Variants in NRG3 observed in about 807,000 individuals in gnomAD.
The protein encoded by NRG3 is neuregulin 3, also known as pro-neuregulin-3, membrane-bound isoform.
Under a neutral mutation model 66.9 loss-of-function variants are expected in NRG3, and 31 were observed. That is an observed-to-expected ratio of 0.46 (90% CI 0.35 to 0.63). The LOEUF (loss-of-function observed/expected upper bound fraction) is 0.63. Among genes scored for constraint, NRG3 ranks in the 20% least tolerant of loss-of-function variants. The pLI is 0.00. For missense variants in NRG3, 910 were observed against 878.9 expected, an observed-to-expected ratio of 1.04 and a Z score of -0.45; for synonymous variants, 393 against 359.4, an observed-to-expected ratio of 1.09 and a Z score of -1.06.
chr10:82,965,380 A>T (rs1483866780), intron 6 of NRG3, among the ~76,000 whole-genome samples: 4 of 152,190 alleles, frequency 2.6e-5, no homozygotes, highest in Non-Finnish European at 5.9e-5. Flanking sequence ...CTTAAGAATA[A>T]GTTTGTCCAG....
intron 2 of NRG3, among the ~76,000 whole-genome samples, chr10:82,657,482 GA>G (rs1051763365): frequency 2.8e-4 from 43 of 152,036 alleles, no homozygotes; most frequent in Non-Finnish European, 1.3e-4. Flanking sequence ...ATCTTGAAGG[GA>G]TAAGTTTATT....
At chr10:82,107,129 C>G (rs2067115652) in intron 1 of NRG3, among the ~76,000 whole-genome samples, 1 of 152,170 alleles carries the variant, frequency 6.6e-6, no homozygotes, top group Non-Finnish European at 1.5e-5. Flanking sequence ...GATTCTTTTT[C>G]TCAGATTTTG....
At chr10:82,576,489 T>C (rs920258385) in intron 2 of NRG3, among the ~76,000 whole-genome samples, 2 of 151,744 alleles carry the variant, frequency 1.3e-5, no homozygotes, top group African/African-American at 4.8e-5. Flanking sequence ...GTTTAGTTTC[T>C]GCCCAGTGAA....
chr10:81,955,052 A>ATT (rs1849693636), intron 1 of NRG3, among the ~76,000 whole-genome samples: 1 of 150,988 alleles, frequency 6.6e-6, no homozygotes, highest in South Asian at 2.1e-4. Flanking sequence ...GTTCTGTTAC[A>ATT]TTATATATAT....
chr10:82,524,366 A>G (rs1464657638), intron 2 of NRG3, among the ~76,000 whole-genome samples: 1 of 152,038 alleles, frequency 6.6e-6, no homozygotes, highest in Non-Finnish European at 1.5e-5. Context: ...GATACATAGT[A>G]GGTGCTGAAT....
At chr10:82,347,685 T>G (rs543647159) in intron 1 of NRG3, among the ~76,000 whole-genome samples, 1 of 152,198 alleles carries the variant, frequency 6.6e-6, no homozygotes, top group Non-Finnish European at 1.5e-5. Flanking sequence ...TCTCCCATTA[T>G]TATTGTGTGG....
chr10:81,987,669 A>T (rs2060578118), intron 1 of NRG3, among the ~76,000 whole-genome samples: 1 of 152,194 alleles, frequency 6.6e-6, no homozygotes, highest in African/African-American at 2.4e-5. Context: ...CACTGGTAAA[A>T]TGATATATGA....
At chr10:82,967,371 C>T (rs1851308188) in intron 6 of NRG3, among the ~76,000 whole-genome samples, 1 of 152,146 alleles carries the variant, frequency 6.6e-6, no homozygotes, top group African/African-American at 2.4e-5. Context: ...TAATTCTACC[C>T]TCCTCCCGTT....
chr10:82,903,813 C>A (rs1564618021), intron 4 of NRG3, among the ~76,000 whole-genome samples: 1 of 151,982 alleles, frequency 6.6e-6, no homozygotes, highest in Non-Finnish European at 1.5e-5. Flanking sequence ...AAAAGTTATA[C>A]CTGAATTTTC....
intron 1 of NRG3, among the ~76,000 whole-genome samples, chr10:82,123,950 T>G (rs1016325537): frequency 6.6e-6 from 1 of 151,956 alleles, no homozygotes; most frequent in Non-Finnish European, 1.5e-5. Context: ...TACTCAGGAC[T>G]GCCCCGCTAT....
chr10:82,920,734 G>A (rs1846346736), intron 4 of NRG3, among the ~76,000 whole-genome samples: 1 of 152,094 alleles, frequency 6.6e-6, no homozygotes, highest in Non-Finnish European at 1.5e-5. Context: ...AAATGACAAT[G>A]ATATGGGCAT....
chr10:82,903,522 G>A (rs1050345860), intron 4 of NRG3, among the ~76,000 whole-genome samples: 4 of 152,078 alleles, frequency 2.6e-5, no homozygotes, highest in East Asian at 1.9e-4. Context: ...GATATATACC[G>A]TGGATTGAGG....
intron 2 of NRG3, among the ~76,000 whole-genome samples, chr10:82,648,652 T>C (rs556362921): frequency 3.9e-4 from 60 of 152,308 alleles, no homozygotes; most frequent in African/African-American, 1.3e-3. Flanking sequence ...GGAATGTTCT[T>C]CCATTTGTTT....
intron 2 of NRG3, among the ~76,000 whole-genome samples, chr10:82,364,527 C>T (rs1353026929): frequency 6.6e-6 from 1 of 151,986 alleles, no homozygotes; most frequent in African/African-American, 2.4e-5. Context: ...GGCAATGGTG[C>T]TATGTATAAT....
intron 1 of NRG3, among the ~76,000 whole-genome samples, chr10:82,092,684 G>A (rs2066098241): frequency 6.6e-6 from 1 of 152,150 alleles, no homozygotes; most frequent in Non-Finnish European, 1.5e-5. Context: ...GACATTTGTA[G>A]AGCAAATAAC....
intron 2 of NRG3, among the ~76,000 whole-genome samples, chr10:82,472,611 G>A (rs1001980490): frequency 1.3e-5 from 2 of 152,166 alleles, no homozygotes; most frequent in South Asian, 4.1e-4. Context: ...AATTCATTTA[G>A]GAGGACAACA....
At chr10:82,816,237 C>T (rs73307251) in intron 3 of NRG3, among the ~76,000 whole-genome samples, 1,903 of 152,300 alleles carry the variant, frequency 0.012, 41 homozygotes, top group African/African-American at 0.044. Flanking sequence ...TGCCATTTGG[C>T]GTATCCCGAG....
At chr10:82,909,287 A>T (rs1312844297) in intron 4 of NRG3, among the ~76,000 whole-genome samples, 1 of 152,234 alleles carries the variant, frequency 6.6e-6, no homozygotes. Flanking sequence ...TGACTTTAAC[A>T]TAATGAATCT....
intron 1 of NRG3, among the ~76,000 whole-genome samples, chr10:82,086,872 A>G (rs532270556): frequency 2.8e-4 from 42 of 152,274 alleles, no homozygotes; most frequent in Non-Finnish European, 4.4e-4. Flanking sequence ...AATCTCGTCT[A>G]TCTCAAATGC....
Sources: allele counts gnomAD v4.1 joint callset (sites outside exome capture counted in the v4.1 genomes callset), GRCh38; gene constraint gnomAD v4.1.1; transcripts MANE v1.5; gene names NCBI Gene and HGNC (gene_info 2026-07-23, HGNC 2026-07-21).